The following MTMR12 variants were observed in gnomAD, a reference collection of about 807,000 sequenced individuals.
MTMR12 encodes myotubularin related protein 12.
MTMR12 carries 33 observed loss-of-function variants against 96.7 expected under a neutral mutation model. The ratio of observed to expected loss-of-function variants is 0.34; its 90% CI spans 0.26 to 0.46. The LOEUF is 0.46. Among genes scored for constraint, MTMR12 ranks in the 20% least tolerant of loss-of-function variants. The pLI is 1.00. For missense variants in MTMR12, 721 were observed against 896.1 expected (o/e 0.80, Z 2.49); for synonymous variants, 298 against 327.2 (o/e 0.91, Z 0.96).
chr5:32,243,284 G>T (rs1048533991), intron 11 of MTMR12, among the ~76,000 whole-genome samples: 1 of 152,216 alleles, frequency 6.6e-6, no homozygotes, highest in Non-Finnish European at 1.5e-5. Flanking sequence ...CACTCTTTCT[G>T]TGTTTTTTCA....
intron 1 of MTMR12, among the ~76,000 whole-genome samples, chr5:32,305,442 T>C (rs574557184): frequency 6.0e-4 from 91 of 152,290 alleles, no homozygotes; most frequent in African/African-American, 2.1e-3. Context: ...TTTAAAGTTA[T>C]CTTTACCGCT....
At chr5:32,256,878 A>G (rs1453001618) in intron 7 of MTMR12, among the ~76,000 whole-genome samples, 1 of 152,252 alleles carries the variant, frequency 6.6e-6, no homozygotes, top group African/African-American at 2.4e-5. Flanking sequence ...CAAGAAAAAT[A>G]TGATGGCTTG....
At chr5:32,311,397 C>T (rs2052563) in intron 1 of MTMR12, among the ~76,000 whole-genome samples, 44,402 of 152,020 alleles carry the variant, frequency 0.29, 6,663 homozygotes, top group East Asian at 0.42. Flanking sequence ...GAGCACTTTC[C>T]CCTGGAGAAA....
chr5:32,253,105 C>T (rs533204002), intron 8 of MTMR12, among the ~76,000 whole-genome samples: 4 of 152,352 alleles, frequency 2.6e-5, no homozygotes, highest in African/African-American at 7.2e-5. Flanking sequence ...AATACCTGGA[C>T]ATATTTGTTG....
At chr5:32,297,551 G>GTTTT (rs61395255) in intron 1 of MTMR12, among the ~76,000 whole-genome samples, 1 of 142,858 alleles carries the variant, frequency 7.0e-6, no homozygotes, top group African/African-American at 2.6e-5. Flanking sequence ...CTGACCTCAG[G>GTTTT]TTTTTTTTTT....
At chr5:32,298,792 CA>C (rs1010145582) in intron 1 of MTMR12, among the ~76,000 whole-genome samples, 40 of 144,420 alleles carry the variant, frequency 2.8e-4, no homozygotes, top group Admixed American at 3.5e-4. Flanking sequence ...ACTAAAAATA[CA>C]AAAAAAAAAA....
At chr5:32,301,681 A>G (rs1165588807) in intron 1 of MTMR12, among the ~76,000 whole-genome samples, 1 of 152,160 alleles carries the variant, frequency 6.6e-6, no homozygotes, top group Non-Finnish European at 1.5e-5. Flanking sequence ...ACCTGAGGGT[A>G]GGAGTTTGAG....
intron 1 of MTMR12, among the ~76,000 whole-genome samples, chr5:32,303,411 T>TC (rs930842634): frequency 4.0e-5 from 6 of 151,716 alleles, no homozygotes; most frequent in African/African-American, 1.2e-4. Flanking sequence ...AGCACTGTAC[T>TC]CCCCCCCAGA....
chr5:32,250,909 T>C (rs1748891892), intron 8 of MTMR12, among the ~76,000 whole-genome samples: 1 of 152,210 alleles, frequency 6.6e-6, no homozygotes, highest in African/African-American at 2.4e-5. Flanking sequence ...AAAAGTCTTC[T>C]GTTGCTGCAA....
At chr5:32,250,097 G>A (rs145715874) in intron 8 of MTMR12, among the ~76,000 whole-genome samples, 11 of 152,276 alleles carry the variant, frequency 7.2e-5, no homozygotes, top group Admixed American at 6.5e-5. Context: ...GTTAGAGATC[G>A]GCATGACAAT....
At chr5:32,253,208 C>T (rs753035197) in intron 8 of MTMR12, among the ~76,000 whole-genome samples, 3 of 152,122 alleles carry the variant, frequency 2.0e-5, no homozygotes, top group African/African-American at 7.2e-5. Flanking sequence ...AACAGCCCCC[C>T]ACAACAAAGA....
intron 1 of MTMR12, among the ~76,000 whole-genome samples, chr5:32,303,709 T>A (rs1256661062): frequency 1.3e-5 from 2 of 152,068 alleles, no homozygotes; most frequent in Non-Finnish European, 2.9e-5. Flanking sequence ...ACTGCTTTTT[T>A]ATAAACCTCA....
At chr5:32,230,823 C>T (rs2111971661) in intron 15 of MTMR12, among the ~76,000 whole-genome samples, 1 of 152,378 alleles carries the variant, frequency 6.6e-6, no homozygotes, top group South Asian at 2.1e-4. Flanking sequence ...CAAGGAGGCA[C>T]TGCTAACTAC....
At chr5:32,284,914 C>T (rs1338375764) in intron 1 of MTMR12, among the ~76,000 whole-genome samples, 1 of 152,146 alleles carries the variant, frequency 6.6e-6, no homozygotes, top group Non-Finnish European at 1.5e-5. Flanking sequence ...GGTCTTTGTG[C>T]TTTGTATACC....
chr5:32,284,429 A>C (rs913993176), intron 1 of MTMR12, among the ~76,000 whole-genome samples: 1 of 152,144 alleles, frequency 6.6e-6, no homozygotes, highest in Non-Finnish European at 1.5e-5. Context: ...TGAAAAACGG[A>C]GGATTCCTCT....
At chr5:32,272,272 C>T (rs2112084816) in intron 3 of MTMR12, among the ~76,000 whole-genome samples, 1 of 151,970 alleles carries the variant, frequency 6.6e-6, no homozygotes, top group South Asian at 2.1e-4. Flanking sequence ...GCCTGGGTGA[C>T]AGAACGAGAC....
At chr5:32,290,871 G>T (rs538651772) in intron 1 of MTMR12, among the ~76,000 whole-genome samples, 1 of 152,198 alleles carries the variant, frequency 6.6e-6, no homozygotes, top group East Asian at 1.9e-4. Flanking sequence ...CTCTTGGCCC[G>T]TTACTGGGCT....
At chr5:32,241,483 T>C (rs552159868) in intron 12 of MTMR12, among the ~76,000 whole-genome samples, 3 of 152,344 alleles carry the variant, frequency 2.0e-5, no homozygotes, top group Admixed American at 1.3e-4. Flanking sequence ...AAACGAAACA[T>C]AGTATTTCTA....
At chr5:32,252,614 T>C (rs1748981184) in intron 8 of MTMR12, among the ~76,000 whole-genome samples, 1 of 152,248 alleles carries the variant, frequency 6.6e-6, no homozygotes, top group African/African-American at 2.4e-5. Context: ...CTGAAGAGCT[T>C]GTGTCTACAT....
Sources: gnomAD v4.1 joint callset for allele counts (sites outside exome capture counted in the v4.1 genomes callset) on GRCh38, gnomAD v4.1.1 for gene constraint, MANE v1.5 for transcripts, NCBI Gene and HGNC (gene_info 2026-07-23, HGNC 2026-07-21) for gene names.